Variants in FAM110B observed in about 807,000 individuals in gnomAD.
FAM110B encodes the protein family with sequence similarity 110 member B.
FAM110B carries 6 observed loss-of-function variants against 20.4 expected under a neutral mutation model. The observed-to-expected ratio is 0.29, with a 90% confidence interval of 0.16 to 0.58. The LOEUF is 0.58. FAM110B is among the 20% of genes least tolerant of loss of function. The pLI, the probability that FAM110B is intolerant of heterozygous loss-of-function variation, is 0.90. For missense variants in FAM110B, 434 were observed against 498.2 expected (o/e 0.87, Z 1.23); for synonymous variants, 226 against 214.1 (o/e 1.06, Z -0.49).
rs549667435 is a variant in FAM110B, at chr8:58,054,002, C to T, written c.-413-21533C>T. Among the ~76,000 whole-genome samples the T allele has an allele frequency of 6.6e-5, 10 of 152,288 alleles. No homozygotes were observed. In the South Asian group the frequency reaches 2.1e-3, roughly 32 times the overall value. ...TGGACAGAAAAAAGAAAGTGGTGTA[C>T]AGAAAACTGAAGTGAGATGCATAAA... is the stretch of plus-strand genomic sequence containing the variant. On this transcript the variant is annotated intron_variant, in intron 2 of 3. Coordinates refer to ENST00000519262, the MANE Select transcript of FAM110B (RefSeq NM_001377989.1).
chr8:58,060,479 A>ATT (rs1266183078), intron 2 of FAM110B, among the ~76,000 whole-genome samples: 71 of 152,182 alleles, frequency 4.7e-4, no homozygotes, highest in Non-Finnish European at 1.0e-4. Context: ...ATGAACTGAA[A>ATT]TTCCAATTAA....
rs977692252 is a variant in FAM110B, at chr8:58,146,137, C to T, written c.-94C>T. On this transcript the variant is annotated 5_prime_UTR_variant, in exon 4 of 4. Coordinates refer to ENST00000519262, the MANE Select transcript of FAM110B (RefSeq NM_001377989.1). ...ACACTCGCTCCCAGGCTGCACCCGC[C>T]GCCCTTGGCGCTTCATGTACATGTG... 2.0e-5 allele frequency: 29 copies of T among 1,440,138 alleles called. No homozygotes were observed. Among genetic ancestry groups the T allele is most frequent in the African/African-American group, 2.8e-5 (2 of 70,202 alleles). The allele number at this position is 1,440,138 out of a possible 1,614,324, so 89.2% of individuals were successfully genotyped here.
intron 1 of FAM110B, among the ~76,000 whole-genome samples, chr8:58,006,917 A>ATTTTTTTTT (rs199509693): frequency 1.2e-5 from 1 of 84,174 alleles, no homozygotes; most frequent in South Asian, 4.1e-4. Context: ...ATATATATAT[A>ATTTTTTTTT]TATATATTTT....
At chr8:58,090,177 G>A (rs910649279) in intron 3 of FAM110B, among the ~76,000 whole-genome samples, 11 of 152,096 alleles carry the variant, frequency 7.2e-5, no homozygotes, top group South Asian at 2.1e-4. Flanking sequence ...GCAGGGGGGC[G>A]GAGACAAAGT....
Position 58,067,502 on chromosome 8 carries a change from G to T in FAM110B, c.-413-8033G>T, listed in dbSNP as rs559733500. 2.6e-5 allele frequency among the ~76,000 whole-genome samples: 4 copies of T among 152,166 alleles called. No individual in the cohort carries two copies. In the South Asian group the frequency reaches 8.3e-4, roughly 32 times the overall value. ...CACTGCCCTCTGCCAGCCTCTCCAC[G>T]ACCTTCACAGCTCTTGAATATCTTT... On this transcript the variant is annotated intron_variant, in intron 2 of 3. Transcript: ENST00000519262.
intron 3 of FAM110B, among the ~76,000 whole-genome samples, chr8:58,129,109 T>G (rs1377735197): frequency 6.6e-6 from 1 of 152,164 alleles, no homozygotes; most frequent in Non-Finnish European, 1.5e-5. Flanking sequence ...AAGAGAAACA[T>G]TCAACATCTT....
chr8:58,146,778 G>C lies in FAM110B; in HGVS notation c.548G>C (p.Arg183Thr), dbSNP rs1337784985. 1 of 1,610,842 alleles carries C rather than the reference G, an allele frequency of 6.2e-7. No homozygotes were observed. The change falls in exon 4 of 4, where the codon AGG becomes ACG. Residue 183 changes from arginine to threonine, a missense_variant. Physicochemically the swap from Arg to Thr is moderately conservative, Grantham distance 71 (BLOSUM62 -1). This residue lies in a region of FAM110B where 284 missense variants were observed against 278.3 expected (regional missense o/e 1.02). Transcript: ENST00000519262. ...CAGGAGGGCGGCTCCCACGTGGGCAGGAGACTGCTGGAGCAGTCAGCCGAG... is the reference window on the plus strand; with the variant it reads ...CAGGAGGGCGGCTCCCACGTGGGCACGAGACTGCTGGAGCAGTCAGCCGAG... Reference protein sequence around the residue: ...SPQEGGSHVGRRLLEQSAESF... With the variant: ...SPQEGGSHVGTRLLEQSAESF...
chr8:58,116,685 G>A (rs1807222007), intron 3 of FAM110B, among the ~76,000 whole-genome samples: 1 of 152,058 alleles, frequency 6.6e-6, no homozygotes, highest in African/African-American at 2.4e-5. Flanking sequence ...TGAAGTTCTT[G>A]GGAGTCCTAT....
At chr8:58,121,616 C>T (rs1283342456) in intron 3 of FAM110B, among the ~76,000 whole-genome samples, 1 of 152,200 alleles carries the variant, frequency 6.6e-6, no homozygotes, top group Non-Finnish European at 1.5e-5. Context: ...TATAGCTACA[C>T]ATTCTGCATA....
At chr8:58,068,232 T>C (rs978262338) in intron 2 of FAM110B, among the ~76,000 whole-genome samples, 7 of 152,224 alleles carry the variant, frequency 4.6e-5, no homozygotes, top group African/African-American at 1.7e-4. Context: ...CTCCTGGTAA[T>C]GGTGATTGCA....
chr8:58,139,335 A>G (rs1243458045), intron 3 of FAM110B, among the ~76,000 whole-genome samples: 2 of 152,238 alleles, frequency 1.3e-5, no homozygotes, highest in African/African-American at 4.8e-5. Flanking sequence ...AGAATTATAG[A>G]TGGTGAGGGA....
At chr8:58,071,046 T>A (rs1805885549) in intron 2 of FAM110B, among the ~76,000 whole-genome samples, 1 of 152,184 alleles carries the variant, frequency 6.6e-6, no homozygotes, top group Non-Finnish European at 1.5e-5. Flanking sequence ...GAGTTAGGAG[T>A]TGAAACGAAG....
In FAM110B at chr8:58,085,381, C is replaced by T. The variant is rs184979992; in HGVS notation, c.-325+9758C>T. 1.6e-3 allele frequency among the ~76,000 whole-genome samples: 248 copies of T among 152,168 alleles called. 1 individual carries two copies. The highest frequency in any genetic ancestry group is 5.7e-3 in the African/African-American group (237 of 41,524). On this transcript the variant is annotated intron_variant, in intron 3 of 3. Transcript: ENST00000519262. ...TATAAAAATTAGCCAGATGTGGTGG[C>T]GGGTGCCTGTAATCCCAGCCACTCG...
intron 3 of FAM110B, among the ~76,000 whole-genome samples, chr8:58,083,267 A>G (rs1031042797): frequency 2.6e-5 from 4 of 152,320 alleles, no homozygotes; most frequent in Non-Finnish European, 4.4e-5. Flanking sequence ...AGTCAGAAAC[A>G]AAAGAGGAGA....
intron 3 of FAM110B, among the ~76,000 whole-genome samples, chr8:58,110,482 GA>G (rs1356668033): frequency 1.3e-5 from 2 of 151,856 alleles, no homozygotes; most frequent in Non-Finnish European, 1.5e-5. Context: ...GATCATAGTT[GA>G]AAAAAATAAA....
At position 58,019,072 on chromosome 8, in the gene FAM110B, C is replaced by T. The variant is rs977729280; in HGVS notation, c.-511-12534C>T. 5.9e-5 allele frequency among the ~76,000 whole-genome samples: 9 copies of T among 151,970 alleles called. No individual in the cohort carries two copies. In the South Asian group the frequency reaches 1.0e-3, roughly 18 times the overall value. ...AAAGAAAAGGCCAGGCGCGGTGGCT[C>T]ACGCCTGTAATCCCAGCACTTTGGG... is the stretch of plus-strand genomic sequence containing the variant. On this transcript the variant is annotated intron_variant, in intron 1 of 3. Coordinates refer to ENST00000519262, the MANE Select transcript of FAM110B (RefSeq NM_001377989.1).
At chr8:58,136,252 T>C (rs966244996) in intron 3 of FAM110B, among the ~76,000 whole-genome samples, 2 of 152,092 alleles carry the variant, frequency 1.3e-5, no homozygotes, top group Non-Finnish European at 2.9e-5. Flanking sequence ...CCTCGTGATC[T>C]GCCCACCTCG....
chr8:58,133,440 G>A (rs572263901), intron 3 of FAM110B, among the ~76,000 whole-genome samples: 4 of 152,242 alleles, frequency 2.6e-5, no homozygotes, highest in East Asian at 3.9e-4. Flanking sequence ...GCTGCCCTCC[G>A]GTGTCCCATC....
At chr8:58,133,984 T>C (rs1438432618) in intron 3 of FAM110B, among the ~76,000 whole-genome samples, 2 of 152,248 alleles carry the variant, frequency 1.3e-5, no homozygotes. Flanking sequence ...ATTCTAGGCT[T>C]GAAAATGATT....
Sources: gnomAD v4.1 joint callset for allele counts (sites outside exome capture counted in the v4.1 genomes callset) on GRCh38, gnomAD v4.1.1 for gene constraint, gnomAD v4.1.1 regional missense constraint, MANE v1.5 for transcripts, NCBI Gene and HGNC (gene_info 2026-07-23, HGNC 2026-07-21) for gene names.